CEP250: variants seen among roughly 807,000 people sequenced by gnomAD.
The protein encoded by CEP250 is centrosomal protein 250, also known as centrosome-associated protein CEP250.
In CEP250, 242 loss-of-function variants were observed where a neutral mutation model predicts 315.7. The ratio of observed to expected loss-of-function variants is 0.77; its 90% confidence interval spans 0.69 to 0.85. The LOEUF (loss-of-function observed/expected upper bound fraction) is 0.85, where lower values mean the gene tolerates loss of function less well. CEP250 is among the 40% of genes least tolerant of loss of function. The probability of loss-of-function intolerance (pLI) is 0.00; values close to 1 mark genes in which losing one functional copy is unlikely to be tolerated. For synonymous variants in CEP250, 1,088 were observed against 1,175.0 expected (o/e 0.93, Z 1.51); for missense variants, 2,515 against 2,886.4 (o/e 0.87, Z 2.95).
At chr20:35,508,526 G>A (rs950370123) in intron 32 of CEP250, among the ~76,000 whole-genome samples, 7 of 152,140 alleles carry the variant, frequency 4.6e-5, no homozygotes, top group African/African-American at 1.7e-4. Context: ...TGTTGGCCAG[G>A]CTGGTCTTGA....
Position 35,479,748 on chromosome 20 carries a change from C to G in CEP250, c.2391C>G (p.Val797=), listed in dbSNP as rs111853969. The G allele has an allele frequency of 5.0e-6, 8 of 1,614,072 alleles. No homozygotes were observed. Among genetic ancestry groups the G allele is most frequent in the Non-Finnish European group, 6.8e-6 (8 of 1,180,042 alleles). ...KGQLEVQIQT[V]TQAKEVIQGE... is the part of the protein sequence containing the mutation. ...AGCTGGAGGTCCAGATTCAAACTGT[C>G]ACTCAAGCCAAGGAAGTAATCCAAG... Residue 797 remains valine (V), a synonymous_variant, in exon 19 of 35, where the codon GTC becomes GTG. Coordinates refer to ENST00000397527, the MANE Select transcript of CEP250 (RefSeq NM_007186.6).
chr20:35,498,434 G>A lies in CEP250; in HGVS notation c.3656-161G>A, dbSNP rs777505669. Among the ~76,000 whole-genome samples the A allele has an allele frequency of 5.2e-4, 79 of 152,212 alleles. 3 individuals carry two copies. The highest frequency in any genetic ancestry group is 1.6e-4 in the Non-Finnish European group (11 of 68,038). ...AATCTAGCACCCACCATAGTGCCTG[G>A]CCCATACTTATGGAGAAAATATGTG... is the stretch of plus-strand genomic sequence containing the variant. On this transcript the variant is annotated intron_variant, in intron 26 of 34. Transcript: ENST00000397527.
intron 5 of CEP250, 67 bp downstream of exon 5, chr20:35,463,698 T>C: frequency 7.3e-7 from 1 of 1,365,506 alleles, no homozygotes; most frequent in Non-Finnish European, 9.9e-7. Context: ...GTTTCATTTG[T>C]TGACTGAGGG....
At chr20:35,471,681 T>C (rs1402701355) in intron 10 of CEP250, among the ~76,000 whole-genome samples, 1 of 152,224 alleles carries the variant, frequency 6.6e-6, no homozygotes, top group Non-Finnish European at 1.5e-5. Context: ...TTATTGAACA[T>C]TTGCTTTGTT....
rs1395660547 is a variant in CEP250 at position 35,517,887 on chromosome 20, A to G, written c.*6261A>G. On this transcript the variant is annotated 3_prime_UTR_variant, in exon 35 of 35. Transcript: ENST00000397527. ...ATTCAAGACCATCCTAAGCGAAAAA[A>G]TATAAAAATTAGCTCAGTGTGATGA... 1 of 151,754 alleles carries G rather than the reference A, an allele frequency of 6.6e-6. No homozygotes were observed. The highest frequency in any genetic ancestry group is 2.4e-5 in the African/African-American group (1 of 41,304). 9.4% of individuals were successfully genotyped at this position (151,754 alleles called of 1,614,324 possible). A position where few individuals can be genotyped will look rare whatever the true frequency, so the allele number is the denominator to read the frequency against.
chr20:35,484,819 T>G (rs554886243), intron 20 of CEP250, among the ~76,000 whole-genome samples: 2 of 152,236 alleles, frequency 1.3e-5, no homozygotes, highest in South Asian at 4.2e-4. Context: ...ACTTTGCAAT[T>G]GTAGTGCAAA....
chr20:35,475,461 T>C, intron 14 of CEP250, 41 bp from the exon 15 acceptor site: 2 of 1,606,344 alleles, frequency 1.2e-6, no homozygotes, highest in Non-Finnish European at 1.7e-6. Flanking sequence ...TTATGGCCCA[T>C]CCCTAAGAGT....
intron 5 of CEP250, among the ~76,000 whole-genome samples, chr20:35,465,406 C>A: frequency 7.5e-6 from 1 of 132,946 alleles, no homozygotes; most frequent in South Asian, 2.3e-4. Flanking sequence ...GGCGACAGAG[C>A]GAGACTCTGT....
chr20:35,465,677 C>T, intron 5 of CEP250, 66 bp from the exon 6 acceptor site: 1 of 1,184,002 alleles, frequency 8.4e-7, no homozygotes, highest in African/African-American at 1.5e-5. Flanking sequence ...GGAAGGGAGC[C>T]TTAGGGAACT....
rs761526499 is a variant in CEP250 at position 35,504,125 on chromosome 20, TGGA to T, written c.5758_5760del (p.Glu1920del). ...GCTGAGCAGGCACAGGAGCATGAGG[TGGA>T]GACCAGGGCCCTGCAGGACAGCTGG... On this transcript the variant is annotated inframe_deletion, in exon 30 of 35. Transcript: ENST00000397527. 3 of 1,613,268 alleles carry T rather than the reference TGGA, an allele frequency of 1.9e-6. No homozygotes were observed. The highest frequency in any genetic ancestry group is 1.7e-6 in the Non-Finnish European group (2 of 1,179,700).
intron 9 of CEP250, 25 bp from the exon 10 acceptor site, chr20:35,469,865 G>T (rs763749454): frequency 6.5e-7 from 1 of 1,535,364 alleles, no homozygotes; most frequent in East Asian, 2.3e-5. Context: ...CTGTTCTGGT[G>T]ACAGTGCTAT....
chr20:35,496,030 G>C (rs2063825920), intron 24 of CEP250, among the ~76,000 whole-genome samples: 1 of 152,186 alleles, frequency 6.6e-6, no homozygotes, highest in Non-Finnish European at 1.5e-5. Flanking sequence ...TTAGGACACT[G>C]TGTGGATGGA....
upstream of CEP250, chr20:35,455,348 T>G (rs961464839): frequency 5.9e-5 from 9 of 152,238 alleles, no homozygotes; most frequent in Non-Finnish European, 1.0e-4. Context: ...AGCGGCCTCT[T>G]GTTACCCGGG....
At chr20:35,474,083 C>CCCTG in intron 14 of CEP250, 31 bp downstream of exon 14, 1 of 1,475,590 alleles carries the variant, frequency 6.8e-7, no homozygotes, top group South Asian at 1.3e-5. Flanking sequence ...CCTCGCTGGG[C>CCCTG]CCTGGTCTTT....
intron 6 of CEP250, 27 bp from the exon 7 acceptor site, chr20:35,466,012 A>G: frequency 1.9e-6 from 3 of 1,613,094 alleles, no homozygotes; most frequent in Non-Finnish European, 2.5e-6. Flanking sequence ...TTTATTTTGC[A>G]CCCACTTTTA....
At chr20:35,469,787 T>G in intron 9 of CEP250, 103 bp from the exon 10 acceptor site, 1 of 618,068 alleles carries the variant, frequency 1.6e-6, no homozygotes. Flanking sequence ...GAGGCTGCAG[T>G]TGGGAGTGGT....
rs952963835 is a variant in CEP250 at position 35,514,829 on chromosome 20, C to G, written c.*3203C>G. ...AAAACCATTGCAGTCCACACTAGGT[C>G]TGGAGGCTTCGACACCCACAGCATG... is the stretch of plus-strand genomic sequence containing the variant. On this transcript the variant is annotated 3_prime_UTR_variant, in exon 35 of 35. Coordinates refer to ENST00000397527, the MANE Select transcript of CEP250 (RefSeq NM_007186.6). 1 of 152,240 alleles carries G rather than the reference C, an allele frequency of 6.6e-6. No homozygotes were observed. Among genetic ancestry groups the G allele is most frequent in the South Asian group, 2.1e-4 (1 of 4,832 alleles). 9.4% of individuals were successfully genotyped at this position (152,240 alleles called of 1,614,324 possible).
At chr20:35,488,068 C>T (rs1379898752) in intron 20 of CEP250, among the ~76,000 whole-genome samples, 1 of 152,258 alleles carries the variant, frequency 6.6e-6, no homozygotes, top group South Asian at 2.1e-4. Context: ...TTACAATTTA[C>T]TCATGTCCCA....
At chr20:35,510,847 T>G (rs2064334022) in intron 34 of CEP250, among the ~76,000 whole-genome samples, 1 of 151,988 alleles carries the variant, frequency 6.6e-6, no homozygotes, top group Non-Finnish European at 1.5e-5. Flanking sequence ...ATACAAAAAT[T>G]AGCTGGACGT....
Sources: allele counts gnomAD v4.1 joint callset (sites outside exome capture counted in the v4.1 genomes callset), GRCh38; gene constraint gnomAD v4.1.1; transcripts MANE v1.5; gene names NCBI Gene and HGNC (gene_info 2026-07-23, HGNC 2026-07-21).